Variants in CCNH observed in about 807,000 individuals in gnomAD.
The protein encoded by CCNH is cyclin H, also known as cyclin-H.
In CCNH, 31 loss-of-function variants were observed where a neutral mutation model predicts 41.9. The observed-to-expected ratio is 0.74, with a 90% CI of 0.56 to 1.00. The LOEUF (loss-of-function observed/expected upper bound fraction) is 1.00. Among genes scored for constraint, CCNH ranks in the 50% least tolerant of loss-of-function variants. The probability of loss-of-function intolerance (pLI) is 0.00; values close to 1 mark genes in which losing one functional copy is unlikely to be tolerated. For missense variants in CCNH, 362 were observed against 388.4 expected (o/e 0.93, Z 0.57); for synonymous variants, 138 against 136.1 (o/e 1.01, Z -0.10).
At chr5:87,378,251 T>A, upstream of CCNH, 1 of 851,764 alleles carries the variant, frequency 1.2e-6, no homozygotes, top group Non-Finnish European at 1.9e-6. Flanking sequence ...AGGATGTCAT[T>A]GTAATTAGTA....
intron 9 of CCNH, among the ~76,000 whole-genome samples, chr5:87,342,593 A>G (rs1758554385): frequency 6.6e-6 from 1 of 152,202 alleles, no homozygotes; most frequent in Non-Finnish European, 1.5e-5. Context: ...CCTCGTTGCT[A>G]GAGATCAAGG....
chr5:87,326,886 C>T (rs947873020), intron 9 of CCNH, among the ~76,000 whole-genome samples: 2 of 152,134 alleles, frequency 1.3e-5, no homozygotes, highest in Non-Finnish European at 2.9e-5. Flanking sequence ...AGATTGGTTT[C>T]TCCTGTTCTC....
intron 9 of CCNH, among the ~76,000 whole-genome samples, chr5:87,336,492 C>G (rs1757980633): frequency 6.6e-6 from 1 of 151,768 alleles, no homozygotes; most frequent in Non-Finnish European, 1.5e-5. Flanking sequence ...ATAAAAATAC[C>G]TTAAAAATTA....
downstream of CCNH, chr5:87,374,327 C>T (rs1761160900): frequency 6.3e-7 from 1 of 1,597,662 alleles, no homozygotes; most frequent in Non-Finnish European, 8.5e-7. Context: ...TTGAGTAAGT[C>T]TTATTTTATC....
At chr5:87,379,391 G>A (rs374878466), upstream of CCNH, among the ~76,000 whole-genome samples, 11 of 152,096 alleles carry the variant, frequency 7.2e-5, no homozygotes, top group Non-Finnish European at 7.4e-5. Flanking sequence ...TTCTGAGAAA[G>A]GTTTGTGATT....
downstream of CCNH, chr5:87,393,758 G>GAGAC (rs767657880): frequency 2.6e-5 from 4 of 152,138 alleles, no homozygotes; most frequent in Non-Finnish European, 4.4e-5. Flanking sequence ...CTAGGAGTCT[G>GAGAC]AGACAGCCTG....
rs540142438 is a variant in CCNH at position 87,411,285 on chromosome 5, T to C, written c.179A>G (p.Tyr60Cys). The change falls in exon 2 of 9, where the codon TAT becomes TGT. Residue 60 changes from tyrosine to cysteine, a missense_variant. Tyr to Cys is a radical substitution (Grantham distance 194, BLOSUM62 -2). Transcript: ENST00000256897. ...ACAGAATTCCAATAACCTTTTCTCA[T>C]AGTATTTGCAGAGTGTCATTTCTTC... ...PHEEMTLCKY[Y>C]EKRLLEFCSV... is the part of the protein sequence containing the mutation. The C allele has an allele frequency of 4.3e-6, 7 of 1,612,822 alleles. No individual in the cohort carries two copies. The highest frequency in any genetic ancestry group is 1.6e-4 in the Middle Eastern group (1 of 6,078).
Position 87,412,924 on chromosome 5 carries a change from G to T in CCNH, c.-130C>A, listed in dbSNP as rs1432405267. The T allele has an allele frequency of 2.7e-6, 4 of 1,463,716 alleles. No individual in the cohort carries two copies. The highest frequency in any genetic ancestry group is 3.6e-6 in the Non-Finnish European group (4 of 1,106,734). The allele number at this position is 1,463,716 out of a possible 1,614,324, so 90.7% of individuals were successfully genotyped here. ...TAGGGCGTCCGGCTAGCCGGCGCTG[G>T]CGCGCTGTCGTCACGATTACGCGGC... is the stretch of plus-strand genomic sequence containing the variant. On this transcript the variant is annotated 5_prime_UTR_variant, in exon 1 of 9. Transcript: ENST00000256897.
chr5:87,377,777 A>G (rs1398718305), upstream of CCNH, among the ~76,000 whole-genome samples: 1 of 152,118 alleles, frequency 6.6e-6, no homozygotes, highest in Non-Finnish European at 1.5e-5. Context: ...ACCACCAAGC[A>G]CTTTGATTCA....
chr5:87,383,435 A>G (rs1391841993), intron 9 of CCNH, among the ~76,000 whole-genome samples: 2 of 152,188 alleles, frequency 1.3e-5, no homozygotes, highest in Non-Finnish European at 2.9e-5. Context: ...GACAGTAAAT[A>G]CTACAGATAA....
chr5:87,315,277 G>T (rs1756239643), downstream of CCNH, among the ~76,000 whole-genome samples: 1 of 152,188 alleles, frequency 6.6e-6, no homozygotes, highest in Non-Finnish European at 1.5e-5. Context: ...TGGGCAGGGG[G>T]GTTGGCATCT....
chr5:87,386,900 T>C (rs780408729), downstream of CCNH: 2 of 1,610,568 alleles, frequency 1.2e-6, no homozygotes. Flanking sequence ...TAGATGAACT[T>C]GGGGTATGTA....
the CCNH span, among the ~76,000 whole-genome samples, chr5:87,311,844 T>C: frequency 2.0e-5 from 3 of 152,238 alleles, no homozygotes; most frequent in Non-Finnish European, 4.4e-5. Context: ...ATAATCTGTA[T>C]GGTGTGGCTG....
rs1761984206 is a variant in CCNH at position 87,385,196 on chromosome 5, G to A, written c.*90+7574C>T. 4 of 772,100 alleles carry A rather than the reference G, an allele frequency of 5.2e-6. 1 individual carries two copies. The highest frequency in any genetic ancestry group is 2.9e-5 in the South Asian group (2 of 69,176). The allele number at this position is 772,100 out of a possible 1,614,324, so 47.8% of individuals were successfully genotyped here. ...TTCTGAGTTCCGAATGGAAGAATGG[G>A]TAGTAGTTTAACAGTAAAGAAATAT... On this transcript the variant is annotated intron_variant and NMD_transcript_variant, in intron 9 of 9. Coordinates refer to the CCNH transcript ENST00000645953.
chr5:87,412,495 C>G lies in CCNH; in HGVS notation c.117+183G>C, dbSNP rs1764333091. The G allele has an allele frequency of 2.8e-6, 4 of 1,425,524 alleles. No individual in the cohort carries two copies. In the South Asian group the frequency reaches 6.0e-5, roughly 21 times the overall value. The allele number at this position is 1,425,524 out of a possible 1,614,324, so 88.3% of individuals were successfully genotyped here. A position where few individuals can be genotyped will look rare whatever the true frequency, so the allele number is the denominator to read the frequency against. ...GTCTGCCATTCGACGACGGGGATGG[C>G]GTTGTTCGTCTTTGTACCCACGGAA... On this transcript the variant is annotated intron_variant, in intron 1 of 8. Transcript: ENST00000256897.
chr5:87,400,219 T>C (rs1003445835), intron 6 of CCNH, among the ~76,000 whole-genome samples: 2 of 152,230 alleles, frequency 1.3e-5, no homozygotes, highest in African/African-American at 4.8e-5. Context: ...ACTACTGACC[T>C]ATTTCATAAT....
chr5:87,399,349 GGATAACA>G (rs765885286), intron 7 of CCNH, 38 bp downstream of exon 7: 1 of 1,346,340 alleles, frequency 7.4e-7, no homozygotes, highest in South Asian at 1.2e-5. Flanking sequence ...CAGCTGGACT[GGATAACA>G]GTTATGTCTA....
chr5:87,356,067 C>T lies in CCNH; in HGVS notation c.*90+36703G>A, dbSNP rs573184315. 1.2e-4 allele frequency among the ~76,000 whole-genome samples: 18 copies of T among 152,214 alleles called. No homozygotes were observed. The South Asian group carries it at 1.2e-3, about 11-fold the overall frequency. ...TCTACTCCTGTGAAGATCCTGTGAT[C>T]GCTACTGAAATGAAAACAAATAATT... On this transcript the variant is annotated intron_variant and NMD_transcript_variant, in intron 9 of 9. Transcript: ENST00000645953.
At chr5:87,322,095 A>G (rs1174992077) in intron 9 of CCNH, among the ~76,000 whole-genome samples, 1 of 152,046 alleles carries the variant, frequency 6.6e-6, no homozygotes, top group East Asian at 1.9e-4. Flanking sequence ...ATAAAGGTGG[A>G]TCCCTCATGA....
Sources: gnomAD v4.1 joint callset for allele counts (sites outside exome capture counted in the v4.1 genomes callset) on GRCh38, gnomAD v4.1.1 for gene constraint, MANE v1.5 for transcripts, NCBI Gene and HGNC (gene_info 2026-07-23, HGNC 2026-07-21) for gene names.